The following CELF2 variants were observed in gnomAD, a reference collection of about 807,000 sequenced individuals.
The protein encoded by CELF2 is CUG triplet repeat RNA-binding protein 2.
CELF2 carries 8 observed loss-of-function variants against 62.6 expected under a neutral mutation model. The ratio of observed to expected loss-of-function variants is 0.13; its 90% CI spans 0.07 to 0.23. CELF2 has a LOEUF of 0.23. Among genes scored for constraint, CELF2 ranks in the 10% least tolerant of loss-of-function variants. The pLI is 1.00. For missense variants in CELF2, 333 were observed against 671.0 expected (o/e 0.50, Z 5.56); for synonymous variants, 258 against 250.0 (o/e 1.03, Z -0.30).
At chr10:10,774,865 T>C in the CELF2 span, among the ~76,000 whole-genome samples, 1 of 146,232 alleles carries the variant, frequency 6.8e-6, no homozygotes, top group Admixed American at 6.9e-5. Flanking sequence ...ATTTATTTAC[T>C]TTTATTTTTA....
At chr10:10,571,048 G>C in the CELF2 span, among the ~76,000 whole-genome samples, 1 of 152,138 alleles carries the variant, frequency 6.6e-6, no homozygotes, top group Non-Finnish European at 1.5e-5. Flanking sequence ...AGAGAGAAAA[G>C]AAAGGTGACT....
At chr10:11,101,788 C>T (rs1201882772) in intron 1 of CELF2, among the ~76,000 whole-genome samples, 1 of 152,114 alleles carries the variant, frequency 6.6e-6, no homozygotes, top group Non-Finnish European at 1.5e-5. Context: ...TTAATATCAT[C>T]CTGTGGGAAA....
chr10:11,326,049 TGA>T, intron 12 of CELF2, 70 bp downstream of exon 12: 1 of 1,474,650 alleles, frequency 6.8e-7, no homozygotes, highest in Non-Finnish European at 9.2e-7. Context: ...AAGGAAAATG[TGA>T]GACAGTTTCA....
At chr10:10,572,910 G>A in the CELF2 span, among the ~76,000 whole-genome samples, 1 of 152,092 alleles carries the variant, frequency 6.6e-6, no homozygotes, top group African/African-American at 2.4e-5. Context: ...GGTATTTCTG[G>A]TTTTAGATCT....
chr10:11,236,567 G>C (rs1222523302), intron 3 of CELF2, among the ~76,000 whole-genome samples: 2 of 152,140 alleles, frequency 1.3e-5, no homozygotes, highest in Admixed American at 6.5e-5. Context: ...CCTTAAAAAA[G>C]AAAGTCTACA....
At chr10:10,941,006 G>A (rs2046989992) in intron 2 of CELF2, among the ~76,000 whole-genome samples, 1 of 152,098 alleles carries the variant, frequency 6.6e-6, no homozygotes, top group Non-Finnish European at 1.5e-5. Flanking sequence ...TATAGTCAGG[G>A]TGATCTTTTA....
chr10:10,810,951 T>G (rs1236383488), intron 1 of CELF2, among the ~76,000 whole-genome samples: 1 of 152,178 alleles, frequency 6.6e-6, no homozygotes, highest in Non-Finnish European at 1.5e-5. Context: ...AAGAAACACT[T>G]GCAACCCAGA....
At chr10:10,512,560 C>T in the CELF2 span, among the ~76,000 whole-genome samples, 8 of 151,800 alleles carry the variant, frequency 5.3e-5, no homozygotes, top group South Asian at 2.1e-4. Context: ...TACAGGCATG[C>T]GCCACCAGGC....
chr10:11,304,348 A>G lies in CELF2; in HGVS notation c.977-9791A>G, dbSNP rs192276528. 3.8e-3 allele frequency among the ~76,000 whole-genome samples: 577 copies of G among 152,308 alleles called. 3 individuals carry two copies. The highest frequency in any genetic ancestry group is 0.013 in the African/African-American group (552 of 41,550). On this transcript the variant is annotated intron_variant, in intron 9 of 12. Coordinates refer to ENST00000633077, the MANE Select transcript of CELF2 (RefSeq NM_001326342.2). ...CAAAAACCCACCCAGACCATCCACA[A>G]TAACCTCCCCCATCTCAAGTTCTGC...
intron 1 of CELF2, among the ~76,000 whole-genome samples, chr10:10,889,640 A>G (rs893724560): frequency 1.3e-5 from 2 of 152,174 alleles, no homozygotes; most frequent in African/African-American, 2.4e-5. Context: ...AAAACTCATG[A>G]GCAAATGTGC....
the CELF2 span, among the ~76,000 whole-genome samples, chr10:10,548,327 A>G: frequency 1.3e-5 from 2 of 152,220 alleles, no homozygotes; most frequent in Non-Finnish European, 2.9e-5. Context: ...CCTGGAGGGC[A>G]TTAGTCATAG....
intron 1 of CELF2, among the ~76,000 whole-genome samples, chr10:11,137,650 ACAT>A: frequency 6.6e-6 from 1 of 152,306 alleles, no homozygotes; most frequent in African/African-American, 2.4e-5. Context: ...GACTCTCATT[ACAT>A]CATCATCATT....
chr10:10,481,608 G>A, the CELF2 span, among the ~76,000 whole-genome samples: 2 of 152,120 alleles, frequency 1.3e-5, no homozygotes, highest in Non-Finnish European at 2.9e-5. Context: ...AGAACTAAAA[G>A]TCACACCAGT....
chr10:10,626,796 TC>T, the CELF2 span, among the ~76,000 whole-genome samples: 1 of 152,208 alleles, frequency 6.6e-6, no homozygotes, highest in Non-Finnish European at 1.5e-5. Flanking sequence ...TGAAAATGAA[TC>T]CTTAATCACG....
chr10:10,736,128 T>C, the CELF2 span, among the ~76,000 whole-genome samples: 1 of 152,234 alleles, frequency 6.6e-6, no homozygotes, highest in Non-Finnish European at 1.5e-5. Flanking sequence ...TTTTTCATTC[T>C]TTACCCTAGA....
chr10:10,599,725 C>CTTTTTTTTTTTTTTTTTT, the CELF2 span, among the ~76,000 whole-genome samples: 3 of 134,564 alleles, frequency 2.2e-5, no homozygotes, highest in South Asian at 2.3e-4. Context: ...TTCTTTCTTT[C>CTTTTTTTTTTTTTTTTTT]TTTTTTTTTT....
At chr10:11,248,548 T>A (rs2076272809) in intron 3 of CELF2, among the ~76,000 whole-genome samples, 1 of 152,224 alleles carries the variant, frequency 6.6e-6, no homozygotes, top group South Asian at 2.1e-4. Flanking sequence ...AGTCAACTGC[T>A]AGACCTTCAA....
intron 1 of CELF2, among the ~76,000 whole-genome samples, chr10:11,132,111 G>A (rs2059720979): frequency 6.6e-6 from 1 of 152,222 alleles, no homozygotes. Context: ...TTATCCACTG[G>A]CATCACCCAG....
At chr10:10,758,618 C>G in the CELF2 span, among the ~76,000 whole-genome samples, 1 of 152,182 alleles carries the variant, frequency 6.6e-6, no homozygotes, top group Non-Finnish European at 1.5e-5. Context: ...GAGAGCCTTC[C>G]TGGAACTTCA....
Sources: allele counts gnomAD v4.1 joint callset (sites outside exome capture counted in the v4.1 genomes callset), GRCh38; gene constraint gnomAD v4.1.1; transcripts MANE v1.5; gene names NCBI Gene and HGNC (gene_info 2026-07-23, HGNC 2026-07-21).